TCF7L1: variants seen among roughly 807,000 people sequenced by gnomAD.
TCF7L1 encodes the protein transcription factor 7 like 1.
A neutral mutation model predicts 63.7 loss-of-function variants in TCF7L1; 18 were observed. That is an observed-to-expected ratio of 0.28 (90% CI 0.20 to 0.42). The LOEUF is 0.42. Among genes scored for constraint, TCF7L1 ranks in the 10% least tolerant of loss-of-function variants. The pLI is 1.00. For synonymous variants in TCF7L1, 355 were observed against 340.9 expected, an observed-to-expected ratio of 1.04 and a Z score of -0.46; for missense variants, 654 against 779.3, an observed-to-expected ratio of 0.84 and a Z score of 1.91.
chr2:85,250,539 C>T (rs182545331), intron 3 of TCF7L1, among the ~76,000 whole-genome samples: 112 of 152,062 alleles, frequency 7.4e-4, no homozygotes, highest in African/African-American at 2.6e-3. Context: ...CGGGTTCAAG[C>T]GATTCTCGTG....
chr2:85,149,849 G>A (rs1677967160), intron 3 of TCF7L1, among the ~76,000 whole-genome samples: 1 of 152,056 alleles, frequency 6.6e-6, no homozygotes, highest in Admixed American at 6.6e-5. Flanking sequence ...TGAGCCATTT[G>A]CAAGTAAGTT....
chr2:85,197,261 A>C (rs1241990858), intron 3 of TCF7L1, among the ~76,000 whole-genome samples: 1 of 152,248 alleles, frequency 6.6e-6, no homozygotes, highest in East Asian at 1.9e-4. Context: ...AAATACAAAA[A>C]TTAGCCAGGT....
In TCF7L1 at chr2:85,256,247, C is replaced by T. The variant is rs113669962; in HGVS notation, c.442-27248C>T. ...CCAGTACATCGATGGTGCGTCCGCG[C>T]GCCGAAGGCTGCTCTTTGTGTTCTC... On this transcript the variant is annotated intron_variant, in intron 3 of 11. Coordinates refer to ENST00000282111, the MANE Select transcript of TCF7L1 (RefSeq NM_031283.3). Among the ~76,000 whole-genome samples the T allele has an allele frequency of 1.1e-3, 164 of 152,274 alleles. 1 individual carries two copies. Among genetic ancestry groups the T allele is most frequent in the African/African-American group, 3.9e-3 (161 of 41,544 alleles).
At chr2:85,277,592 T>C (rs1169835444) in intron 3 of TCF7L1, among the ~76,000 whole-genome samples, 1 of 152,162 alleles carries the variant, frequency 6.6e-6, no homozygotes, top group Non-Finnish European at 1.5e-5. Flanking sequence ...ACCCTTTGTG[T>C]CTGCTGATGG....
At chr2:85,232,271 C>G (rs1013091447) in intron 3 of TCF7L1, among the ~76,000 whole-genome samples, 6 of 152,208 alleles carry the variant, frequency 3.9e-5, no homozygotes, top group African/African-American at 1.4e-4. Context: ...AAGTCTCTCT[C>G]AGGAATGCTT....
chr2:85,306,081 T>C lies in TCF7L1; in HGVS notation c.990-125T>C. The C allele has an allele frequency of 1.7e-6, 2 of 1,159,676 alleles. No homozygotes were observed. The highest frequency in any genetic ancestry group is 2.5e-6 in the Non-Finnish European group (2 of 811,126). 71.8% of individuals were successfully genotyped at this position (1,159,676 alleles called of 1,614,324 possible). ...GTGTTGAGTGCAGCCATGGGGCCAC[T>C]TGAATTAGCATCCAGGCAGCCCGCG... On this transcript the variant is annotated intron_variant, in intron 8 of 11. Transcript: ENST00000282111. This position sits in a 1 kb window ranked among gnomAD's most constrained non-coding sequence, Gnocchi z 4.3.
At chr2:85,148,251 G>A (rs920211296) in intron 3 of TCF7L1, among the ~76,000 whole-genome samples, 2 of 152,150 alleles carry the variant, frequency 1.3e-5, no homozygotes, top group African/African-American at 4.8e-5. Flanking sequence ...GTCTGAGACA[G>A]CCCTTTAATA....
At chr2:85,295,452 C>T (rs868386532) in intron 4 of TCF7L1, among the ~76,000 whole-genome samples, 2 of 152,118 alleles carry the variant, frequency 1.3e-5, no homozygotes, top group African/African-American at 2.4e-5. Flanking sequence ...CTGCCCGCCT[C>T]GGCCTCCCAA....
At chr2:85,295,338 A>G (rs948183057) in intron 4 of TCF7L1, among the ~76,000 whole-genome samples, 6 of 152,032 alleles carry the variant, frequency 3.9e-5, no homozygotes, top group Non-Finnish European at 5.9e-5. Flanking sequence ...AGTAGCTGGG[A>G]TTACAGGCAT....
chr2:85,141,597 C>T (rs1003106272), intron 3 of TCF7L1, among the ~76,000 whole-genome samples: 1 of 152,124 alleles, frequency 6.6e-6, no homozygotes, highest in Admixed American at 6.5e-5. Context: ...AGGGAGGAGC[C>T]GCAAGTTTGG....
intron 3 of TCF7L1, among the ~76,000 whole-genome samples, chr2:85,246,820 C>T (rs1051539777): frequency 2.0e-5 from 3 of 152,148 alleles, no homozygotes; most frequent in African/African-American, 2.4e-5. Flanking sequence ...ATACATGTAC[C>T]CCCATGATGG....
At chr2:85,217,843 G>A (rs730608) in intron 3 of TCF7L1, among the ~76,000 whole-genome samples, 1 of 152,182 alleles carries the variant, frequency 6.6e-6, no homozygotes, top group African/African-American at 2.4e-5. Flanking sequence ...TCTCATTTGA[G>A]TGTCATGTTG....
rs575128535 is a variant in TCF7L1, at chr2:85,212,531, G to A, written c.442-70964G>A. On this transcript the variant is annotated intron_variant, in intron 3 of 11. Transcript: ENST00000282111. ...AGAAGGAAAACTCATCACAGCCTGGGGATTGATGGACTTTTTAGAGGACCT... is the reference window on the plus strand; with the variant it reads ...AGAAGGAAAACTCATCACAGCCTGGAGATTGATGGACTTTTTAGAGGACCT... Among the ~76,000 whole-genome samples the A allele has an allele frequency of 3.3e-5, 5 of 152,266 alleles. No homozygotes were observed. The South Asian group carries it at 1.0e-3, about 32-fold the overall frequency.
At chr2:85,235,202 A>C (rs191092638) in intron 3 of TCF7L1, among the ~76,000 whole-genome samples, 13 of 152,276 alleles carry the variant, frequency 8.5e-5, no homozygotes, top group East Asian at 1.9e-4. Flanking sequence ...GTGGAGAAAG[A>C]AAGCAAGGAA....
intron 3 of TCF7L1, among the ~76,000 whole-genome samples, chr2:85,190,988 C>G (rs539138891): frequency 6.6e-6 from 1 of 152,286 alleles, no homozygotes; most frequent in Admixed American, 6.5e-5. Context: ...ATTAATGACT[C>G]TGGTGCAGTG....
At chr2:85,157,805 C>T (rs1678183798) in intron 3 of TCF7L1, among the ~76,000 whole-genome samples, 1 of 152,218 alleles carries the variant, frequency 6.6e-6, no homozygotes. Flanking sequence ...ACCAGGGGAG[C>T]TGGGTAGGGG....
At chr2:85,308,877 G>C (rs1356201816) in intron 11 of TCF7L1, 152 bp from the exon 12 acceptor site, 2 of 880,644 alleles carry the variant, frequency 2.3e-6, no homozygotes, top group African/African-American at 1.7e-5. Context: ...TGTGAATGCA[G>C]TTTCCTAGTC....
chr2:85,211,480 C>A (rs762102929), intron 3 of TCF7L1, among the ~76,000 whole-genome samples: 2 of 152,170 alleles, frequency 1.3e-5, no homozygotes, highest in Non-Finnish European at 2.9e-5. Flanking sequence ...AGTGCTGGCT[C>A]GTAGTGGGAT....
rs1048272581 is a variant in TCF7L1 at position 85,306,848 on chromosome 2, T to C, written c.1257+289T>C. Among the ~76,000 whole-genome samples, 1 of 151,948 alleles carries C rather than the reference T, an allele frequency of 6.6e-6. No homozygotes were observed. Among genetic ancestry groups the C allele is most frequent in the African/African-American group, 2.4e-5 (1 of 41,284 alleles). On this transcript the variant is annotated intron_variant, in intron 10 of 11. Coordinates refer to ENST00000282111, the MANE Select transcript of TCF7L1 (RefSeq NM_031283.3). This position sits in a 1 kb window ranked among gnomAD's most constrained non-coding sequence, Gnocchi z 4.3. Reference sequence around the variant, plus strand: ...CCCGGCTAATTTTTTGTATTTTTAGTAGAGACGGGGTTTCACTGTGTTAAC... The same window carrying C: ...CCCGGCTAATTTTTTGTATTTTTAGCAGAGACGGGGTTTCACTGTGTTAAC...
Sources: allele counts gnomAD v4.1 joint callset (sites outside exome capture counted in the v4.1 genomes callset), GRCh38; gene constraint gnomAD v4.1.1; non-coding constraint Gnocchi (gnomAD v3.1); transcripts MANE v1.5; gene names NCBI Gene and HGNC (gene_info 2026-07-23, HGNC 2026-07-21).